Variants in FAM81A observed in about 807,000 individuals in gnomAD.
FAM81A encodes the protein protein FAM81A.
FAM81A carries 19 observed loss-of-function variants against 46.7 expected under a neutral mutation model. The observed-to-expected ratio is 0.41, with a 90% CI of 0.28 to 0.60. FAM81A has a LOEUF of 0.60. Among genes scored for constraint, FAM81A ranks in the 20% least tolerant of loss-of-function variants. FAM81A has a pLI of 0.34. For missense variants in FAM81A, 377 were observed against 453.5 expected (o/e 0.83, Z 1.53); for synonymous variants, 183 against 152.9 (o/e 1.20, Z -1.45).
intron 5 of FAM81A, among the ~76,000 whole-genome samples, chr15:59,508,178 T>G (rs2082169105): frequency 6.6e-6 from 1 of 152,230 alleles, no homozygotes; most frequent in Non-Finnish European, 1.5e-5. Context: ...GAAGAGATGT[T>G]AAGGAAATCA....
intron 2 of FAM81A, among the ~76,000 whole-genome samples, chr15:59,459,196 CGTT>C (rs1405537468): frequency 2.1e-4 from 32 of 152,144 alleles, no homozygotes; most frequent in Admixed American, 1.1e-3. Context: ...GATAGGGTCT[CGTT>C]GTGTTGCCCA....
intron 1 of FAM81A, among the ~76,000 whole-genome samples, chr15:59,399,818 C>T (rs1270236238): frequency 6.6e-6 from 1 of 152,152 alleles, no homozygotes; most frequent in African/African-American, 2.4e-5. Flanking sequence ...GTGTGAGTGG[C>T]CAGCCACTCC....
chr15:59,407,023 C>T (rs1596458757), intron 2 of FAM81A: 1 of 166,730 alleles, frequency 6.0e-6, no homozygotes, highest in Non-Finnish European at 1.3e-5. Context: ...ATGAGAGCCA[C>T]AGACTTGGGA....
chr15:59,491,894 A>T (rs184318215), intron 3 of FAM81A, among the ~76,000 whole-genome samples: 334 of 152,260 alleles, frequency 2.2e-3, no homozygotes, highest in African/African-American at 7.7e-3. Context: ...TGAACCTGGG[A>T]GGCAGAAGTT....
chr15:59,411,074 T>A (rs2081118470), intron 2 of FAM81A, among the ~76,000 whole-genome samples: 1 of 152,196 alleles, frequency 6.6e-6, no homozygotes, highest in Admixed American at 6.5e-5. Flanking sequence ...GTATAGATTT[T>A]ACACCAGGCT....
chr15:59,460,323 G>A lies in FAM81A; in HGVS notation c.294+117G>A. The A allele has an allele frequency of 1.5e-6, 2 of 1,310,126 alleles. No homozygotes were observed. The highest frequency in any genetic ancestry group is 2.2e-6 in the Non-Finnish European group (2 of 910,170). 81.2% of individuals were successfully genotyped at this position (1,310,126 alleles called of 1,614,324 possible). A position where few individuals can be genotyped will look rare whatever the true frequency, so the allele number is the denominator to read the frequency against. On this transcript the variant is annotated intron_variant, in intron 3 of 8. Transcript: ENST00000288228. The surrounding 1 kb of genome is among the most constrained non-coding windows in gnomAD (Gnocchi z 4.4). ...GCAGTACTGCATTTAGAACAAAGCT[G>A]TCTGTCTTGTCTATTCTTAATGATC... is the stretch of plus-strand genomic sequence containing the variant.
rs114812743 is a variant in FAM81A at position 59,472,492 on chromosome 15, C to G, written c.294+12286C>G. Among the ~76,000 whole-genome samples the G allele has an allele frequency of 8.9e-3, 1,358 of 152,126 alleles. 21 individuals are homozygous for G. Among genetic ancestry groups the G allele is most frequent in the African/African-American group, 0.03 (1,263 of 41,502 alleles). On this transcript the variant is annotated intron_variant, in intron 3 of 8. Coordinates refer to ENST00000288228, the MANE Select transcript of FAM81A (RefSeq NM_152450.3). ...TGCTGCTTGGACCTCAGGAAATACT[C>G]TTTGTGTCTTCTTCTCAACCTGCAT...
Position 59,490,096 on chromosome 15 carries a change from C to T in FAM81A, c.295-2175C>T, listed in dbSNP as rs183958881. ...CTATGTAAAAAACCTTCACATGTAC[C>T]CTGAACCAAAAATAAAAGTTGAAAA... On this transcript the variant is annotated intron_variant, in intron 3 of 8. Transcript: ENST00000288228. Among the ~76,000 whole-genome samples the T allele has an allele frequency of 4.3e-3, 647 of 151,802 alleles. 5 individuals carry two copies. The highest frequency in any genetic ancestry group is 0.014 in the South Asian group (68 of 4,818).
At chr15:59,472,343 C>G (rs775811326) in intron 3 of FAM81A, among the ~76,000 whole-genome samples, 1 of 152,042 alleles carries the variant, frequency 6.6e-6, no homozygotes, top group Non-Finnish European at 1.5e-5. Flanking sequence ...ACATTCAAAA[C>G]TAAAACCAAA....
chr15:59,493,063 C>T (rs1027782234), intron 4 of FAM81A, among the ~76,000 whole-genome samples: 1 of 152,216 alleles, frequency 6.6e-6, no homozygotes, highest in Admixed American at 6.5e-5. Context: ...CTCTTCTGCC[C>T]TCTGCTGGGC....
chr15:59,452,849 A>C (rs1409066623), intron 1 of FAM81A, among the ~76,000 whole-genome samples: 4 of 152,064 alleles, frequency 2.6e-5, no homozygotes, highest in Non-Finnish European at 5.9e-5. Context: ...GCAGCTTCCA[A>C]CTTACCAGGC....
At chr15:59,481,448 A>G (rs2081849906) in intron 3 of FAM81A, among the ~76,000 whole-genome samples, 1 of 152,184 alleles carries the variant, frequency 6.6e-6, no homozygotes, top group South Asian at 2.1e-4. Context: ...TACAAAAAAA[A>G]AGAATAAACC....
At chr15:59,466,884 T>G (rs1295715569) in intron 3 of FAM81A, among the ~76,000 whole-genome samples, 2 of 152,208 alleles carry the variant, frequency 1.3e-5, no homozygotes, top group South Asian at 4.1e-4. Flanking sequence ...AGTTTTTGTA[T>G]AAGGTGTAAG....
At position 59,451,452 on chromosome 15, in the gene FAM81A, A is replaced by T. The variant is rs55980343; in HGVS notation, c.-77-7098A>T. Among the ~76,000 whole-genome samples, 7 of 81,548 alleles carry T rather than the reference A, an allele frequency of 8.6e-5. No individual in the cohort carries two copies. The South Asian group carries it at 2.8e-3, about 32-fold the overall frequency. 53.5% of individuals were successfully genotyped at this position (81,548 alleles called of 152,430 possible). The stretch of plus-strand genomic sequence containing the variant: ...TTCCTAGGTCCTTGAAAACACCAAT[A>T]ATTTTTTTTTTTTTTTTGAGATGAG... On this transcript the variant is annotated intron_variant, in intron 1 of 8. Coordinates refer to ENST00000288228, the MANE Select transcript of FAM81A (RefSeq NM_152450.3).
chr15:59,435,964 C>T (rs1485477409), upstream of FAM81A, among the ~76,000 whole-genome samples: 3 of 151,974 alleles, frequency 2.0e-5, no homozygotes, highest in Non-Finnish European at 4.4e-5. Context: ...AAATTTTGTC[C>T]CCTTGGGATT....
intron 3 of FAM81A, among the ~76,000 whole-genome samples, chr15:59,465,541 G>A (rs959669607): frequency 4.6e-5 from 7 of 152,162 alleles, no homozygotes; most frequent in Non-Finnish European, 7.3e-5. Flanking sequence ...CCAAAGTGCT[G>A]GGATTACGGG....
intron 2 of FAM81A, among the ~76,000 whole-genome samples, chr15:59,414,726 A>G (rs1298069350): frequency 6.6e-6 from 1 of 152,080 alleles, no homozygotes; most frequent in East Asian, 1.9e-4. Context: ...TTTTTCAAGT[A>G]CCTCCAGCTC....
intron 3 of FAM81A, among the ~76,000 whole-genome samples, chr15:59,489,790 G>T (rs569866313): frequency 7.9e-5 from 12 of 152,308 alleles, no homozygotes; most frequent in Middle Eastern, 3.4e-3. Flanking sequence ...AAGGAGCCAT[G>T]ATCATGCAAT....
intron 2 of FAM81A, among the ~76,000 whole-genome samples, chr15:59,421,460 C>T (rs1469744710): frequency 6.6e-6 from 1 of 152,146 alleles, no homozygotes; most frequent in East Asian, 1.9e-4. Flanking sequence ...GGGCTGGGAG[C>T]TCTCCCTGGT....
Sources: gnomAD v4.1 joint callset for allele counts (sites outside exome capture counted in the v4.1 genomes callset) on GRCh38, gnomAD v4.1.1 for gene constraint, Gnocchi (gnomAD v3.1) non-coding constraint, MANE v1.5 for transcripts, NCBI Gene and HGNC (gene_info 2026-07-23, HGNC 2026-07-21) for gene names.